The following LCA5L variants were observed in gnomAD, a reference collection of about 807,000 sequenced individuals.
The protein encoded by LCA5L is lebercilin-like protein.
Under a neutral mutation model 45.4 loss-of-function variants are expected in LCA5L, and 35 were observed. The ratio of observed to expected loss-of-function variants is 0.77; its 90% CI spans 0.59 to 1.02. The LOEUF is 1.02. Among genes scored for constraint, LCA5L ranks in the 50% least tolerant of loss-of-function variants. The probability of loss-of-function intolerance (pLI) is 0.00; values close to 1 mark genes in which losing one functional copy is unlikely to be tolerated. For missense variants in LCA5L, 668 were observed against 761.6 expected, an observed-to-expected ratio of 0.88 and a Z score of 1.45; for synonymous variants, 233 against 264.7, an observed-to-expected ratio of 0.88 and a Z score of 1.16.
chr21:39,433,547 T>C (rs1394750586), intron 3 of LCA5L, among the ~76,000 whole-genome samples: 1 of 152,096 alleles, frequency 6.6e-6, no homozygotes, highest in Non-Finnish European at 1.5e-5. Flanking sequence ...CCATTTTGAG[T>C]TACTTATTAT....
At chr21:39,417,958 G>C (rs1341571735) in intron 7 of LCA5L, among the ~76,000 whole-genome samples, 1 of 152,048 alleles carries the variant, frequency 6.6e-6, no homozygotes, top group Non-Finnish European at 1.5e-5. Context: ...AGTAGAGATG[G>C]GGTTTCGCCG....
At chr21:39,439,263 G>A (rs1359080562) in intron 2 of LCA5L, among the ~76,000 whole-genome samples, 1 of 152,194 alleles carries the variant, frequency 6.6e-6, no homozygotes, top group Non-Finnish European at 1.5e-5. Flanking sequence ...TTAGAAAAGG[G>A]AAGGGAATGA....
chr21:39,417,665 T>C (rs909451444), intron 7 of LCA5L, among the ~76,000 whole-genome samples: 1 of 152,208 alleles, frequency 6.6e-6, no homozygotes, highest in African/African-American at 2.4e-5. Flanking sequence ...CTCACAATCA[T>C]GGTTGAAGAC....
intron 5 of LCA5L, chr21:39,426,016 T>G (rs1187226119): frequency 6.6e-6 from 1 of 152,296 alleles, no homozygotes; most frequent in Non-Finnish European, 1.5e-5. Flanking sequence ...AAAGATCATA[T>G]GGCTTGGACA....
rs547898827 is a variant in LCA5L, at chr21:39,430,626, A to C, written c.-91-1415T>G. 2.6e-5 allele frequency among the ~76,000 whole-genome samples: 4 copies of C among 152,304 alleles called. No individual in the cohort carries two copies. The South Asian group carries it at 6.2e-4, about 24-fold the overall frequency. On this transcript the variant is annotated intron_variant, in intron 3 of 10. Coordinates refer to ENST00000288350, the MANE Select transcript of LCA5L (RefSeq NM_152505.4). ...GGAATGCAACCCCCTTTAAATGACC[A>C]GGCCCAAAGAGGCACTGGAATGAGA...
intron 3 of LCA5L, among the ~76,000 whole-genome samples, chr21:39,430,861 CG>C (rs2075640462): frequency 1.3e-5 from 2 of 152,140 alleles, no homozygotes; most frequent in Admixed American, 1.3e-4. Context: ...TCCTGAAAAA[CG>C]ACGTTTGCAA....
At chr21:39,417,920 C>T (rs1197076423) in intron 7 of LCA5L, among the ~76,000 whole-genome samples, 1 of 152,124 alleles carries the variant, frequency 6.6e-6, no homozygotes, top group African/African-American at 2.4e-5. Flanking sequence ...TGCCCGCCAC[C>T]ATGCCTGGTT....
chr21:39,412,375 G>T (rs972109520), intron 7 of LCA5L, among the ~76,000 whole-genome samples: 2 of 152,086 alleles, frequency 1.3e-5, no homozygotes, highest in African/African-American at 4.8e-5. Flanking sequence ...TGATTTTTTT[G>T]AGTCTTGGCA....
intron 3 of LCA5L, 134 bp downstream of exon 3, chr21:39,435,286 T>A (rs2076184350): frequency 6.6e-6 from 1 of 152,240 alleles, no homozygotes; most frequent in South Asian, 2.1e-4. Context: ...GAATTAGAAA[T>A]AAGAATGTTC....
In LCA5L at chr21:39,420,742, CAG is replaced by C; in HGVS notation, c.937_938del (p.Leu313AlafsTer12). On this transcript the variant is annotated frameshift_variant, in exon 7 of 11. Coordinates refer to ENST00000288350, the MANE Select transcript of LCA5L (RefSeq NM_152505.4). LOFTEE classifies it high-confidence loss of function. ...TLAAQTATKT[L>X]QVEVKHLQQK... ...GTTGAAGGTGTTTTACTTCCACCTG[CAG>C]AGTCTTGGTAGCTGTCTGAGCTGCT... 11 of 1,613,284 alleles carry C rather than the reference CAG, an allele frequency of 6.8e-6. No homozygotes were observed. The highest frequency in any genetic ancestry group is 9.3e-6 in the Non-Finnish European group (11 of 1,179,336).
rs2039793132 is a variant in LCA5L, at chr21:39,409,904, T to A, written c.1282+75A>T. On this transcript the variant is annotated intron_variant, in intron 10 of 10. Coordinates refer to ENST00000288350, the MANE Select transcript of LCA5L (RefSeq NM_152505.4). The surrounding 1 kb of genome is among the most constrained non-coding windows in gnomAD (Gnocchi z 4.2). ...CTGCCATGCCCAGCTGTTTTATGTG[T>A]GCTTTATATACACATATAGTAATTC... 1 of 856,538 alleles carries A rather than the reference T, an allele frequency of 1.2e-6. No individual in the cohort carries two copies. The highest frequency in any genetic ancestry group is 1.8e-6 in the Non-Finnish European group (1 of 544,398). 53.1% of individuals were successfully genotyped at this position (856,538 alleles called of 1,614,324 possible). A position where few individuals can be genotyped will look rare whatever the true frequency, so the allele number is the denominator to read the frequency against.
chr21:39,435,796 C>T (rs12483245), intron 2 of LCA5L, among the ~76,000 whole-genome samples: 1,818 of 152,158 alleles, frequency 0.012, 14 homozygotes, highest in Non-Finnish European at 0.017. Flanking sequence ...CCACCATGCC[C>T]GGCTAATTTT....
intron 2 of LCA5L, among the ~76,000 whole-genome samples, chr21:39,436,670 G>A (rs903487436): frequency 9.9e-5 from 15 of 151,998 alleles, no homozygotes; most frequent in African/African-American, 3.4e-4. Context: ...TTGCAGAGAC[G>A]GGATTTTACT....
intron 3 of LCA5L, among the ~76,000 whole-genome samples, chr21:39,433,835 G>C (rs2076018117): frequency 6.7e-6 from 1 of 149,480 alleles, no homozygotes; most frequent in African/African-American, 2.5e-5. Context: ...CACGATCTTG[G>C]CTCACTGCAA....
intron 3 of LCA5L, among the ~76,000 whole-genome samples, chr21:39,431,839 T>C (rs1471791033): frequency 6.6e-6 from 1 of 152,118 alleles, no homozygotes; most frequent in African/African-American, 2.4e-5. Flanking sequence ...CTAGTGGATG[T>C]ACTGTCAACT....
chr21:39,423,209 T>C lies in LCA5L; in HGVS notation c.604A>G (p.Lys202Glu). 12 of 1,612,654 alleles carry C rather than the reference T, an allele frequency of 7.4e-6. No homozygotes were observed. The highest frequency in any genetic ancestry group is 1.0e-5 in the Non-Finnish European group (12 of 1,179,578). Reference sequence around the variant, plus strand: ...AAATTTTTTACTTCATTCTGATGTTTAGCCATAATTTGAGGTAGATTATTT... The same window carrying C: ...AAATTTTTTACTTCATTCTGATGTTCAGCCATAATTTGAGGTAGATTATTT... ...SQNNLPQIMA[K>E]HQNEVKNLRQ... The change falls in exon 6 of 11, where the codon AAA (lysine) becomes GAA (glutamate). Residue 202 changes from lysine (K) to glutamate (E), a missense_variant. Coordinates refer to ENST00000288350, the MANE Select transcript of LCA5L (RefSeq NM_152505.4).
At chr21:39,415,511 C>T (rs2040977005) in intron 7 of LCA5L, among the ~76,000 whole-genome samples, 2 of 152,160 alleles carry the variant, frequency 1.3e-5, no homozygotes, top group African/African-American at 4.8e-5. Flanking sequence ...CAAATCTAGA[C>T]CTCTAATAAC....
chr21:39,405,989 G>A lies in LCA5L; in HGVS notation c.1906C>T (p.Pro636Ser), dbSNP rs769764729. The change falls in exon 11 of 11, where the codon CCC (proline) becomes TCC (serine). Residue 636 changes from proline to serine, a missense_variant. Pro to Ser is a moderately conservative substitution (Grantham distance 74, BLOSUM62 -1). Transcript: ENST00000288350. ...GCATGGCTGGTGGAGGCCTGACTGG[G>A]AGGCAGGGGATGCGACTCCTTACTT... ...LQSKESHPLP[P>S]SQASTSHAFG... 4 of 1,614,064 alleles carry A rather than the reference G, an allele frequency of 2.5e-6. No homozygotes were observed. The African/African-American group carries it at 4.0e-5, about 16-fold the overall frequency.
chr21:39,417,983 G>C (rs1601786882), intron 7 of LCA5L, among the ~76,000 whole-genome samples: 1 of 152,154 alleles, frequency 6.6e-6, no homozygotes, highest in South Asian at 2.1e-4. Context: ...TGCCAGGATT[G>C]TCTCCATCTC....
Sources: gnomAD v4.1 joint callset for allele counts (sites outside exome capture counted in the v4.1 genomes callset) on GRCh38, gnomAD v4.1.1 for gene constraint, Gnocchi (gnomAD v3.1) non-coding constraint, MANE v1.5 for transcripts, NCBI Gene and HGNC (gene_info 2026-07-23, HGNC 2026-07-21) for gene names.